Variants in PPP1R10 observed in about 807,000 individuals in gnomAD.
PPP1R10 encodes the protein serine/threonine-protein phosphatase 1 regulatory subunit 10.
A neutral mutation model predicts 99.0 loss-of-function variants in PPP1R10; 15 were observed. That is an observed-to-expected ratio of 0.15 (90% CI 0.10 to 0.23). PPP1R10 has a LOEUF of 0.23. PPP1R10 is among the 10% of genes least tolerant of loss of function. The pLI is 1.00. For missense variants in PPP1R10, 947 were observed against 1,259.4 expected (o/e 0.75, Z 3.75); for synonymous variants, 430 against 449.5 (o/e 0.96, Z 0.55).
At chr6:30,613,741 C>A (rs1804788147) in intron 2 of PPP1R10, among the ~76,000 whole-genome samples, 1 of 152,132 alleles carries the variant, frequency 6.6e-6, no homozygotes. Flanking sequence ...TCCCATCTCC[C>A]ATGTTAAGGA....
At chr6:30,616,055 G>T (rs1760489617) in intron 2 of PPP1R10, among the ~76,000 whole-genome samples, 2 of 152,154 alleles carry the variant, frequency 1.3e-5, no homozygotes, top group African/African-American at 4.8e-5. Context: ...CACACACAAA[G>T]AAGTGGTACT....
chr6:30,612,552 T>C (rs1412344435), intron 2 of PPP1R10, among the ~76,000 whole-genome samples: 1 of 152,198 alleles, frequency 6.6e-6, no homozygotes, highest in African/African-American at 2.4e-5. Context: ...AAATTAGCGT[T>C]AAATATTCAT....
chr6:30,609,653 A>G lies in PPP1R10; in HGVS notation c.107+185T>C, dbSNP rs1804344717. Among the ~76,000 whole-genome samples, 1 of 152,180 alleles carries G rather than the reference A, an allele frequency of 6.6e-6. No individual in the cohort carries two copies. The highest frequency in any genetic ancestry group is 2.1e-4 in the South Asian group (1 of 4,828). ...GACGTCCAAATCTCCAGTTTCCATTATGGTCAGAAACAAGTGATCATCTTT... is the reference window on the plus strand; with the variant it reads ...GACGTCCAAATCTCCAGTTTCCATTGTGGTCAGAAACAAGTGATCATCTTT... On this transcript the variant is annotated intron_variant, in intron 3 of 19. Coordinates refer to ENST00000376511, the MANE Select transcript of PPP1R10 (RefSeq NM_002714.4). This position sits in a 1 kb window ranked among gnomAD's most constrained non-coding sequence, Gnocchi z 4.5.
At position 30,611,129 on chromosome 6, in the gene PPP1R10, C is replaced by T. The variant is rs115714335; in HGVS notation, c.-11-1174G>A. Among the ~76,000 whole-genome samples the T allele has an allele frequency of 7.5e-3, 1,138 of 152,220 alleles. 14 individuals are homozygous for T. The highest frequency in any genetic ancestry group is 0.037 in the Middle Eastern group (11 of 294). On this transcript the variant is annotated intron_variant, in intron 2 of 19. Coordinates refer to ENST00000376511, the MANE Select transcript of PPP1R10 (RefSeq NM_002714.4). ...TTTGAAACCAGCCTTGGCAACATGG[C>T]GAAACCTCATCTCTACAAAACATAA...
rs1804283602 is a variant in PPP1R10, at chr6:30,609,139, C to T, written c.132G>A (p.Met44Ile). Residue 44 changes from methionine to isoleucine, a missense_variant, in exon 4 of 20, where the codon ATG becomes ATA. By Grantham distance (10) the Met-to-Ile change is conservative. Around this residue, in one of 10 missense-constraint regions of PPP1R10, gnomAD observed 82 missense variants for 117.3 expected, o/e 0.70. Transcript: ENST00000376511. This position sits in a 1 kb window ranked among gnomAD's most constrained non-coding sequence, Gnocchi z 4.5. ...TGTTCAAGTAAGTGCATCGACTCAC[C>T]ATCTTTCGTGCTTCCTTCATCAAAC... ...IFSLMKEARK[M>I]VSRCTYLNIL... 3.7e-6 allele frequency: 6 copies of T among 1,613,326 alleles called. No individual in the cohort carries two copies. The highest frequency in any genetic ancestry group is 5.1e-6 in the Non-Finnish European group (6 of 1,180,022).
chr6:30,616,290 A>C (rs552358067), intron 2 of PPP1R10, among the ~76,000 whole-genome samples, 188 bp downstream of exon 2: 1 of 152,194 alleles, frequency 6.6e-6, no homozygotes, highest in Non-Finnish European at 1.5e-5. Flanking sequence ...GATAGGTGGT[A>C]GGGGAGAGAG....
chr6:30,605,127 C>T (rs1206332318), intron 10 of PPP1R10, 33 bp from the exon 11 acceptor site: 1 of 1,581,278 alleles, frequency 6.3e-7, no homozygotes, highest in South Asian at 1.1e-5. Flanking sequence ...ATGGCATCAT[C>T]AGACCTCCTT....
At chr6:30,612,604 C>G (rs1561849813) in intron 2 of PPP1R10, among the ~76,000 whole-genome samples, 1 of 152,150 alleles carries the variant, frequency 6.6e-6, no homozygotes, top group African/African-American at 2.4e-5. Flanking sequence ...GAAATTTTGT[C>G]TCATGAGCAC....
intron 10 of PPP1R10, 145 bp from the exon 11 acceptor site, chr6:30,605,239 T>C (rs1803807664): frequency 4.5e-6 from 3 of 670,200 alleles, no homozygotes; most frequent in Non-Finnish European, 7.6e-6. Context: ...AGGAAGCACA[T>C]GCAGGAGGAT....
At chr6:30,605,851 C>A (rs1309205430) in intron 10 of PPP1R10, 72 bp downstream of exon 10, 14 of 1,349,398 alleles carry the variant, frequency 1.0e-5, no homozygotes, top group Admixed American at 2.0e-5. Context: ...CAGAGTGAGA[C>A]TCTGTCTCCA....
intron 5 of PPP1R10, among the ~76,000 whole-genome samples, chr6:30,608,300 CCTTT>C (rs1804171947): frequency 7.3e-6 from 1 of 136,614 alleles, no homozygotes; most frequent in Non-Finnish European, 1.6e-5. Context: ...CTGACACATT[CCTTT>C]TTTTTTTTTT....
rs749574227 is a variant in PPP1R10, at chr6:30,608,767, G to C, written c.330+12C>G. ...AAAAAAGGAAGAATCAGGGTTTAAA[G>C]ACTAAAGGTACCTGCTTGAGATGGT... On this transcript the variant is annotated intron_variant, in intron 5 of 19. Transcript: ENST00000376511. The C allele has an allele frequency of 1.9e-6, 3 of 1,612,882 alleles. No homozygotes were observed. In the South Asian group the frequency reaches 3.3e-5, roughly 18 times the overall value.
In PPP1R10 at chr6:30,613,455, T is replaced by C. The variant is rs1804756202; in HGVS notation, c.-12+3023A>G. 2.0e-5 allele frequency among the ~76,000 whole-genome samples: 3 copies of C among 152,364 alleles called. No homozygotes were observed. The South Asian group carries it at 6.2e-4, about 32-fold the overall frequency. ...TTTCTTCAGTGTTTTAGGCACTTCCTAGTTTGACACAATAGTGGACTGAAT... is the reference window on the plus strand; with the variant it reads ...TTTCTTCAGTGTTTTAGGCACTTCCCAGTTTGACACAATAGTGGACTGAAT... On this transcript the variant is annotated intron_variant, in intron 2 of 19. Coordinates refer to ENST00000376511, the MANE Select transcript of PPP1R10 (RefSeq NM_002714.4).
Position 30,604,264 on chromosome 6 carries a change from G to T in PPP1R10, c.1262-10C>A. 6.2e-7 allele frequency: 1 copy of T among 1,613,910 alleles called. No homozygotes were observed. On this transcript the variant is annotated splice_polypyrimidine_tract_variant and intron_variant, in intron 13 of 19. Transcript: ENST00000376511. This position sits in a 1 kb window ranked among gnomAD's most constrained non-coding sequence, Gnocchi z 7.3. The stretch of plus-strand genomic sequence containing the variant: ...ATCTTATTCACATTTACTGTCGGCA[G>T]GGGAAGAAAAGCAAGAGGGAAAGTA...
intron 5 of PPP1R10, among the ~76,000 whole-genome samples, 189 bp downstream of exon 5, chr6:30,608,590 C>T (rs1443129745): frequency 6.6e-6 from 1 of 152,172 alleles, no homozygotes; most frequent in Admixed American, 6.5e-5. Flanking sequence ...CGTGAGCCAC[C>T]GTGCCCAGCC....
chr6:30,604,298 C>T lies in PPP1R10; in HGVS notation c.1262-44G>A. 1 of 1,613,636 alleles carries T rather than the reference C, an allele frequency of 6.2e-7. No individual in the cohort carries two copies. The highest frequency in any genetic ancestry group is 8.5e-7 in the Non-Finnish European group (1 of 1,179,602). ...AAGCAAGAGGGAAAGTAAGCACAAC[C>T]AAGTCCTTTCAAAATCCCTTAAACA... On this transcript the variant is annotated intron_variant, in intron 13 of 19. Coordinates refer to ENST00000376511, the MANE Select transcript of PPP1R10 (RefSeq NM_002714.4). This position sits in a 1 kb window ranked among gnomAD's most constrained non-coding sequence, Gnocchi z 7.3.
intron 2 of PPP1R10, among the ~76,000 whole-genome samples, chr6:30,615,592 A>AT (rs1203341472): frequency 6.6e-6 from 1 of 152,212 alleles, no homozygotes; most frequent in East Asian, 1.9e-4. Flanking sequence ...AACGACACAA[A>AT]TCTTTTAGAA....
At position 30,606,727 on chromosome 6, in the gene PPP1R10, C is replaced by T. The variant is rs1218427927; in HGVS notation, c.460+52G>A. ...GCAGACTGGGAGCACCTAAAGGCCA[C>T]ATCCCAATAGGAAAGAAATAAATAC... On this transcript the variant is annotated intron_variant, in intron 7 of 19. Coordinates refer to ENST00000376511, the MANE Select transcript of PPP1R10 (RefSeq NM_002714.4). The surrounding 1 kb of genome is among the most constrained non-coding windows in gnomAD (Gnocchi z 6.3). The T allele has an allele frequency of 6.2e-7, 1 of 1,609,144 alleles. No individual in the cohort carries two copies. The highest frequency in any genetic ancestry group is 8.5e-7 in the Non-Finnish European group (1 of 1,175,524).
intron 16 of PPP1R10, 73 bp downstream of exon 16, chr6:30,603,399 A>G: frequency 1.3e-6 from 2 of 1,587,568 alleles, no homozygotes; most frequent in African/African-American, 2.7e-5. Context: ...GGGTAAGGCG[A>G]ATGGGAGACA....
Sources: allele counts gnomAD v4.1 joint callset (sites outside exome capture counted in the v4.1 genomes callset), GRCh38; gene constraint gnomAD v4.1.1; regional missense constraint gnomAD v4.1.1; non-coding constraint Gnocchi (gnomAD v3.1); transcripts MANE v1.5; gene names NCBI Gene and HGNC (gene_info 2026-07-23, HGNC 2026-07-21).